Variants in ZNF367 observed in about 807,000 individuals in gnomAD.
ZNF367 encodes C2H2 zinc finger protein ZFF29.
Under a neutral mutation model 31.8 loss-of-function variants are expected in ZNF367, and 11 were observed. That is an observed-to-expected ratio of 0.35 (90% CI 0.22 to 0.57). The LOEUF (loss-of-function observed/expected upper bound fraction) is 0.57, where lower values mean the gene tolerates loss of function less well. ZNF367 is among the 20% of genes least tolerant of loss of function. The probability of loss-of-function intolerance (pLI) is 0.85; values close to 1 mark genes in which losing one functional copy is unlikely to be tolerated. For missense variants in ZNF367, 353 were observed against 484.1 expected (o/e 0.73, Z 2.54); for synonymous variants, 199 against 202.4 (o/e 0.98, Z 0.14).
chr9:96,404,557 C>T (rs577313284), intron 1 of ZNF367, among the ~76,000 whole-genome samples: 2 of 151,456 alleles, frequency 1.3e-5, no homozygotes, highest in African/African-American at 4.8e-5. Flanking sequence ...CACGCCACTG[C>T]ACTCCAGCCT....
At chr9:96,392,688 C>CTGATG in intron 3 of ZNF367, 152 bp from the exon 4 acceptor site, 3 of 1,182,678 alleles carry the variant, frequency 2.5e-6, no homozygotes, top group Non-Finnish European at 3.5e-6. Context: ...CAAACCAGCA[C>CTGATG]AGTCTCATCA....
Position 96,418,281 on chromosome 9 carries a change from G to A in ZNF367, c.-249C>T, listed in dbSNP as rs986279704. ...ACTCCGCAGCGCAGGCTGCAGGGGT[G>A]GGAAGCAGCGGGCGGCCCGGCCCTT... On this transcript the variant is annotated 5_prime_UTR_variant, in exon 1 of 5. Transcript: ENST00000375256. The A allele has an allele frequency of 2.4e-5, 11 of 461,134 alleles. No homozygotes were observed. Among genetic ancestry groups the A allele is most frequent in the African/African-American group, 2.2e-4 (11 of 49,780 alleles). 28.6% of individuals were successfully genotyped at this position (461,134 alleles called of 1,614,324 possible). A position where few individuals can be genotyped will look rare whatever the true frequency, so the allele number is the denominator to read the frequency against.
In ZNF367 at chr9:96,388,427, G is replaced by T. The variant is rs1227844071; in HGVS notation, c.863C>A (p.Thr288Asn). 6 of 1,613,856 alleles carry T rather than the reference G, an allele frequency of 3.7e-6. No homozygotes were observed. The highest frequency in any genetic ancestry group is 4.2e-6 in the Non-Finnish European group (5 of 1,180,034). The change falls in exon 5 of 5, where the codon ACT (threonine) becomes AAT (asparagine). Residue 288 changes from threonine to asparagine, a missense_variant. Thr to Asn is a moderately conservative substitution (Grantham distance 65, BLOSUM62 0). This residue lies in a region of ZNF367 where 101 missense variants were observed against 140.0 expected (regional missense o/e 0.72). Transcript: ENST00000375256. ...YWEMREQRTP[T>N]LKGKLVQKAD... ...CTTCTGAACCAGCTTGCCTTTCAAA[G>T]TGGGGGTGCGCTGCTCTCTCATTTC...
chr9:96,402,752 G>T (rs893917223), intron 1 of ZNF367, among the ~76,000 whole-genome samples: 10 of 150,900 alleles, frequency 6.6e-5, no homozygotes, highest in African/African-American at 2.4e-4. Context: ...GATTACAGGC[G>T]TGAGCCCCTG....
intron 1 of ZNF367, among the ~76,000 whole-genome samples, chr9:96,406,932 G>A (rs886616442): frequency 4.1e-5 from 6 of 146,606 alleles, no homozygotes; most frequent in African/African-American, 1.5e-4. Flanking sequence ...AACCCGGGAG[G>A]CAGAGCTTGC....
At chr9:96,402,444 CTTTTTT>C (rs1174997133) in intron 1 of ZNF367, among the ~76,000 whole-genome samples, 3 of 66,082 alleles carry the variant, frequency 4.5e-5, no homozygotes, top group East Asian at 4.6e-4. Context: ...TTCTTTCTTT[CTTTTTT>C]TTTTTTTTTT....
rs1831851402 is a variant in ZNF367, at chr9:96,417,729, C to G, written c.304G>C (p.Glu102Gln). 2.4e-6 allele frequency: 3 copies of G among 1,224,776 alleles called. No homozygotes were observed. The African/African-American group carries it at 4.7e-5, about 19-fold the overall frequency. 75.9% of individuals were successfully genotyped at this position (1,224,776 alleles called of 1,614,324 possible). A position where few individuals can be genotyped will look rare whatever the true frequency, so the allele number is the denominator to read the frequency against. ...CCCCGGCCACGAAGCCCCGAGTGCT[C>G]GGCGGCTGCGGCTGCAGGCAGGGCG... is the stretch of plus-strand genomic sequence containing the variant. ...SAALPAAAAA[E>Q]HSGLRGRGAP... The change falls in exon 1 of 5, where the codon GAG (glutamate) becomes CAG (glutamine). Residue 102 changes from glutamate (E) to glutamine (Q), a missense_variant. By Grantham distance (29) the Glu-to-Gln change is conservative (BLOSUM62 2). Around this residue, in one of 5 missense-constraint regions of ZNF367, gnomAD observed 70 missense variants for 57.1 expected, o/e 1.23. Transcript: ENST00000375256. The surrounding 1 kb of genome is among the most constrained non-coding windows in gnomAD (Gnocchi z 5.0).
chr9:96,412,676 T>C (rs1037534663), intron 1 of ZNF367, among the ~76,000 whole-genome samples: 3 of 150,934 alleles, frequency 2.0e-5, no homozygotes, highest in African/African-American at 4.9e-5. Flanking sequence ...ATAGTATGTA[T>C]TTCTTTTTTC....
chr9:96,404,276 C>T (rs552262904), intron 1 of ZNF367, among the ~76,000 whole-genome samples: 14 of 150,416 alleles, frequency 9.3e-5, no homozygotes, highest in African/African-American at 3.2e-4. Flanking sequence ...CTGGCTAACA[C>T]GATGAAACCC....
At position 96,411,277 on chromosome 9, in the gene ZNF367, G is replaced by A. The variant is rs374568370; in HGVS notation, c.420+6336C>T. On this transcript the variant is annotated intron_variant, in intron 1 of 4. Coordinates refer to ENST00000375256, the MANE Select transcript of ZNF367 (RefSeq NM_153695.4). ...ACATATGTAAGAAAGGCTGGGCGCC[G>A]TGGCTCATGCCTGTAATCCCACTGC... is the stretch of plus-strand genomic sequence containing the variant. Among the ~76,000 whole-genome samples the A allele has an allele frequency of 1.3e-4, 20 of 152,238 alleles. No individual in the cohort carries two copies. In the East Asian group the frequency reaches 3.5e-3, roughly 26 times the overall value.
chr9:96,411,767 A>G (rs1831754326), intron 1 of ZNF367, among the ~76,000 whole-genome samples: 1 of 152,162 alleles, frequency 6.6e-6, no homozygotes, highest in African/African-American at 2.4e-5. Context: ...ATACAGCATA[A>G]TACAACATAC....
rs1831411121 is a variant in ZNF367, at chr9:96,386,589, CTCT to C, written c.*1645_*1647del. 1 of 151,644 alleles carries C rather than the reference CTCT, an allele frequency of 6.6e-6. No homozygotes were observed. Among genetic ancestry groups the C allele is most frequent in the African/African-American group, 2.4e-5 (1 of 41,402 alleles). 9.4% of individuals were successfully genotyped at this position (151,644 alleles called of 1,614,324 possible). The stretch of plus-strand genomic sequence containing the variant: ...TCTTAGACCATTACAAATATAAATT[CTCT>C]TATTACAAAAAAATCCCTAAAGATT... On this transcript the variant is annotated 3_prime_UTR_variant, in exon 5 of 5. Coordinates refer to ENST00000375256, the MANE Select transcript of ZNF367 (RefSeq NM_153695.4).
chr9:96,400,564 T>G (rs555316864), intron 1 of ZNF367, among the ~76,000 whole-genome samples: 90 of 151,430 alleles, frequency 5.9e-4, no homozygotes, highest in African/African-American at 2.2e-3. Flanking sequence ...AAAAAAAAAC[T>G]TCACTAGAGG....
chr9:96,418,217 G>T lies in ZNF367; in HGVS notation c.-185C>A. The T allele has an allele frequency of 2.2e-6, 2 of 900,450 alleles. No homozygotes were observed. The highest frequency in any genetic ancestry group is 2.9e-6 in the Non-Finnish European group (2 of 681,636). 55.8% of individuals were successfully genotyped at this position (900,450 alleles called of 1,614,324 possible). A position where few individuals can be genotyped will look rare whatever the true frequency, so the allele number is the denominator to read the frequency against. On this transcript the variant is annotated 5_prime_UTR_variant, in exon 1 of 5. Coordinates refer to ENST00000375256, the MANE Select transcript of ZNF367 (RefSeq NM_153695.4). Reference sequence around the variant, plus strand: ...CAGACGGCACCGGCGGGCAGGGCTGGACCCCAGCCCCAGGTCAAGCGCGCC... The same window carrying T: ...CAGACGGCACCGGCGGGCAGGGCTGTACCCCAGCCCCAGGTCAAGCGCGCC...
intron 1 of ZNF367, among the ~76,000 whole-genome samples, chr9:96,406,208 A>T (rs1831669545): frequency 6.6e-6 from 1 of 152,244 alleles, no homozygotes; most frequent in African/African-American, 2.4e-5. Context: ...ATGAAAAAAA[A>T]TCATAAAAGG....
In ZNF367 at chr9:96,417,508, C is replaced by T. The variant is rs1040448843; in HGVS notation, c.420+105G>A. ...GCATCCTGTCAGCCGCAGCCCCCGCCGTAGCCGGATCGACCTCGCGTTTTC... is the reference window on the plus strand; with the variant it reads ...GCATCCTGTCAGCCGCAGCCCCCGCTGTAGCCGGATCGACCTCGCGTTTTC... On this transcript the variant is annotated intron_variant, in intron 1 of 4. Coordinates refer to ENST00000375256, the MANE Select transcript of ZNF367 (RefSeq NM_153695.4). The surrounding 1 kb of genome is among the most constrained non-coding windows in gnomAD (Gnocchi z 5.0). The T allele has an allele frequency of 1.7e-4, 45 of 263,246 alleles. No homozygotes were observed. The highest frequency in any genetic ancestry group is 2.2e-4 in the Non-Finnish European group (31 of 139,642). 16.3% of individuals were successfully genotyped at this position (263,246 alleles called of 1,614,324 possible). A position where few individuals can be genotyped will look rare whatever the true frequency, so the allele number is the denominator to read the frequency against.
intron 1 of ZNF367, among the ~76,000 whole-genome samples, chr9:96,405,074 C>A (rs947566812): frequency 6.6e-6 from 1 of 152,130 alleles, no homozygotes; most frequent in African/African-American, 2.4e-5. Flanking sequence ...GTAATCCCAG[C>A]ACTTTGGGAG....
intron 1 of ZNF367, among the ~76,000 whole-genome samples, chr9:96,414,169 C>A (rs557494930): frequency 6.6e-6 from 1 of 152,244 alleles, no homozygotes; most frequent in African/African-American, 2.4e-5. Flanking sequence ...CTTGCCCCCA[C>A]AAAGCTTAGT....
rs1831411745 is a variant in ZNF367 at position 96,386,662 on chromosome 9, C to T, written c.*1575G>A. The T allele has an allele frequency of 6.6e-6, 1 of 152,110 alleles. No homozygotes were observed. Among genetic ancestry groups the T allele is most frequent in the African/African-American group, 2.4e-5 (1 of 41,440 alleles). The allele number at this position is 152,110 out of a possible 1,614,324, so 9.4% of individuals were successfully genotyped here. A position where few individuals can be genotyped will look rare whatever the true frequency, so the allele number is the denominator to read the frequency against. On this transcript the variant is annotated 3_prime_UTR_variant, in exon 5 of 5. Coordinates refer to ENST00000375256, the MANE Select transcript of ZNF367 (RefSeq NM_153695.4). ...GAATTACATTTTTAAAGTATGTCCTCATCATACACATTATTCGTAACTATC... is the reference window on the plus strand; with the variant it reads ...GAATTACATTTTTAAAGTATGTCCTTATCATACACATTATTCGTAACTATC...
Sources: gnomAD v4.1 joint callset for allele counts (sites outside exome capture counted in the v4.1 genomes callset) on GRCh38, gnomAD v4.1.1 for gene constraint, gnomAD v4.1.1 regional missense constraint, Gnocchi (gnomAD v3.1) non-coding constraint, MANE v1.5 for transcripts, NCBI Gene and HGNC (gene_info 2026-07-23, HGNC 2026-07-21) for gene names.